JAZF1: variants seen among roughly 807,000 people sequenced by gnomAD.
The protein encoded by JAZF1 is juxtaposed with another zinc finger protein 1.
JAZF1 carries 8 observed loss-of-function variants against 26.4 expected under a neutral mutation model. That is an observed-to-expected ratio of 0.30 (90% CI 0.18 to 0.55). The LOEUF is 0.55. JAZF1 is among the 20% of genes least tolerant of loss of function. The pLI is 0.94. For missense variants in JAZF1, 199 were observed against 322.0 expected, an observed-to-expected ratio of 0.62 and a Z score of 2.92; for synonymous variants, 126 against 122.3, an observed-to-expected ratio of 1.03 and a Z score of -0.20.
rs74772560 is a variant in JAZF1, at chr7:28,096,691, C to T, written c.115+83772G>A. 4.1e-4 allele frequency among the ~76,000 whole-genome samples: 63 copies of T among 151,910 alleles called. No individual in the cohort carries two copies. In the East Asian group the frequency reaches 0.012, roughly 28 times the overall value. ...GACTATTTTTTAACTTTTTCATTTGCAATTTTTTTTTTAATTCTCAAATTG... is the reference window on the plus strand; with the variant it reads ...GACTATTTTTTAACTTTTTCATTTGTAATTTTTTTTTTAATTCTCAAATTG... On this transcript the variant is annotated intron_variant, in intron 1 of 4. Coordinates refer to ENST00000283928, the MANE Select transcript of JAZF1 (RefSeq NM_175061.4).
At chr7:27,891,609 T>C (rs1783977754) in intron 3 of JAZF1, among the ~76,000 whole-genome samples, 1 of 152,106 alleles carries the variant, frequency 6.6e-6, no homozygotes, top group Non-Finnish European at 1.5e-5. Context: ...GGAGGATTGC[T>C]TGAGGCCAAG....
rs560061960 is a variant in JAZF1, at chr7:27,988,013, A to C, written c.188+3896T>G. 6.6e-5 allele frequency among the ~76,000 whole-genome samples: 10 copies of C among 152,056 alleles called. No homozygotes were observed. The East Asian group carries it at 1.9e-3, about 30-fold the overall frequency. On this transcript the variant is annotated intron_variant, in intron 2 of 4. Coordinates refer to ENST00000283928, the MANE Select transcript of JAZF1 (RefSeq NM_175061.4). ...AGCATGCTCGTTAAGAGTCATCACC[A>C]CTCCCTAATCTCAAGTACCCAGGGA... is the stretch of plus-strand genomic sequence containing the variant.
intron 2 of JAZF1, among the ~76,000 whole-genome samples, chr7:27,940,711 C>T (rs75086991): frequency 0.032 from 4,908 of 152,200 alleles, 273 homozygotes; most frequent in African/African-American, 0.11. Context: ...TTTACACCAG[C>T]GCAGCAGCCC....
chr7:28,081,441 T>C (rs889316314), intron 1 of JAZF1, among the ~76,000 whole-genome samples: 30 of 152,116 alleles, frequency 2.0e-4, no homozygotes, highest in South Asian at 1.7e-3. Context: ...TTTTCTAAGG[T>C]TTGGTCATAA....
At chr7:28,101,871 AT>A (rs781641021) in intron 1 of JAZF1, among the ~76,000 whole-genome samples, 2 of 151,584 alleles carry the variant, frequency 1.3e-5, no homozygotes, top group Non-Finnish European at 2.9e-5. Flanking sequence ...CGGAAATGCC[AT>A]TTTTTTTTCT....
intron 4 of JAZF1, among the ~76,000 whole-genome samples, chr7:27,838,516 G>A (rs975347579): frequency 3.3e-5 from 5 of 152,292 alleles, no homozygotes; most frequent in African/African-American, 1.2e-4. Context: ...GCAGCAAGCA[G>A]GGAATAAGAA....
intron 1 of JAZF1, among the ~76,000 whole-genome samples, chr7:28,157,686 C>T (rs1314729739): frequency 6.6e-6 from 1 of 152,142 alleles, no homozygotes; most frequent in African/African-American, 2.4e-5. Flanking sequence ...CACCCTGAAC[C>T]ACAGTCTACT....
chr7:27,874,832 T>C (rs1449503961), intron 3 of JAZF1, among the ~76,000 whole-genome samples: 1 of 152,102 alleles, frequency 6.6e-6, no homozygotes, highest in Admixed American at 6.5e-5. Context: ...GCCTTTGGGA[T>C]CATCAAGCCT....
intron 1 of JAZF1, among the ~76,000 whole-genome samples, chr7:28,031,158 C>A (rs1015361927): frequency 1.3e-5 from 2 of 152,116 alleles, no homozygotes; most frequent in Non-Finnish European, 2.9e-5. Flanking sequence ...CCTTTGCATC[C>A]TTTCTCTATC....
chr7:28,144,522 AG>A (rs1187642741), intron 1 of JAZF1, among the ~76,000 whole-genome samples: 1 of 152,354 alleles, frequency 6.6e-6, no homozygotes, highest in South Asian at 2.1e-4. Flanking sequence ...GCCAATCAGC[AG>A]TGACACCACT....
intron 1 of JAZF1, among the ~76,000 whole-genome samples, chr7:28,156,925 A>T (rs1194699120): frequency 6.6e-6 from 1 of 152,222 alleles, no homozygotes; most frequent in Non-Finnish European, 1.5e-5. Context: ...CTTCCATCAT[A>T]TGCTACATTT....
chr7:28,158,176 C>CAA (rs1783220215), intron 1 of JAZF1, among the ~76,000 whole-genome samples: 1 of 92,758 alleles, frequency 1.1e-5, no homozygotes, highest in Non-Finnish European at 2.1e-5. Flanking sequence ...CAAACACACA[C>CAA]ACACACACAC....
chr7:27,849,773 A>ACACACACACACACACACACACC (rs1187295731), intron 3 of JAZF1, among the ~76,000 whole-genome samples: 27 of 114,052 alleles, frequency 2.4e-4, no homozygotes, highest in African/African-American at 5.5e-4. Context: ...ACACACACAC[A>ACACACACACACACACACACACC]CCCCTACACC....
At chr7:28,105,377 A>T (rs1399698986) in intron 1 of JAZF1, among the ~76,000 whole-genome samples, 1 of 152,236 alleles carries the variant, frequency 6.6e-6, no homozygotes, top group Non-Finnish European at 1.5e-5. Context: ...ACTGCAAAGC[A>T]TTGTGACTCC....
rs150037394 is a variant in JAZF1, at chr7:28,035,292, C to T, written c.116-43311G>A. 3.7e-3 allele frequency among the ~76,000 whole-genome samples: 363 copies of T among 98,524 alleles called. 2 individuals are homozygous for T. The highest frequency in any genetic ancestry group is 0.014 in the African/African-American group (350 of 24,546). 64.6% of individuals were successfully genotyped at this position (98,524 alleles called of 152,430 possible). ...TCGCACCTCTGCACTCCAGCCTGGG[C>T]GACAAAGTGAGACTCCATCTCAAAA... On this transcript the variant is annotated intron_variant, in intron 1 of 4. Coordinates refer to ENST00000283928, the MANE Select transcript of JAZF1 (RefSeq NM_175061.4).
chr7:27,916,849 G>A (rs376805715), intron 2 of JAZF1, among the ~76,000 whole-genome samples: 22 of 152,292 alleles, frequency 1.4e-4, no homozygotes, highest in East Asian at 9.6e-4. Flanking sequence ...TGTCCATGTC[G>A]GTGAGTGACT....
At chr7:27,986,657 CCCT>C (rs1785718539) in intron 2 of JAZF1, among the ~76,000 whole-genome samples, 2 of 96,574 alleles carry the variant, frequency 2.1e-5, no homozygotes, top group Admixed American at 1.2e-4. Context: ...CCCTCTCCCT[CCCT>C]CTCCCTCTCT....
intron 2 of JAZF1, among the ~76,000 whole-genome samples, chr7:27,976,545 T>C (rs954053493): frequency 4.3e-4 from 66 of 152,040 alleles, no homozygotes; most frequent in Admixed American, 2.4e-3. Context: ...GCAACATGTT[T>C]ATTATGGCAT....
rs375101390 is a variant in JAZF1, at chr7:28,140,191, T to C, written c.115+40272A>G. 7.3e-5 allele frequency among the ~76,000 whole-genome samples: 11 copies of C among 151,662 alleles called. No homozygotes were observed. In the East Asian group the frequency reaches 1.6e-3, roughly 22 times the overall value. ...TTCAGCTCCCCGGTTCCAGCAATTC[T>C]CCTGCCTCAGCCTCCTGAGTAGCTG... On this transcript the variant is annotated intron_variant, in intron 1 of 4. Coordinates refer to ENST00000283928, the MANE Select transcript of JAZF1 (RefSeq NM_175061.4).
Sources: gnomAD v4.1 joint callset for allele counts (sites outside exome capture counted in the v4.1 genomes callset) on GRCh38, gnomAD v4.1.1 for gene constraint, MANE v1.5 for transcripts, NCBI Gene and HGNC (gene_info 2026-07-23, HGNC 2026-07-21) for gene names.